Variants in C1orf21 observed in about 807,000 individuals in gnomAD.
The protein encoded by C1orf21 is uncharacterized protein C1orf21.
In C1orf21, 3 loss-of-function variants were observed where a neutral mutation model predicts 18.7. That is an observed-to-expected ratio of 0.16 (90% CI 0.07 to 0.42). The LOEUF (loss-of-function observed/expected upper bound fraction) is 0.42. Ranked by LOEUF, C1orf21 falls within the 10% of genes least tolerant of loss-of-function variation. C1orf21 has a pLI of 0.99. For missense variants in C1orf21, 104 were observed against 143.6 expected (o/e 0.72, Z 1.41); for synonymous variants, 41 against 46.4 (o/e 0.88, Z 0.47).
At chr1:184,389,425 A>C (rs1394750556) in intron 1 of C1orf21, among the ~76,000 whole-genome samples, 1 of 152,178 alleles carries the variant, frequency 6.6e-6, no homozygotes, top group African/African-American at 2.4e-5. Context: ...CCGAGTTTAG[A>C]AAACTGATAA....
intron 3 of C1orf21, among the ~76,000 whole-genome samples, chr1:184,507,995 G>GT (rs1002068518): frequency 6.6e-6 from 1 of 152,012 alleles, no homozygotes; most frequent in Admixed American, 6.6e-5. Flanking sequence ...TTTTAGTTTT[G>GT]TTTTTTTCTA....
intron 3 of C1orf21, among the ~76,000 whole-genome samples, chr1:184,559,895 G>A (rs10911609): frequency 0.17 from 26,015 of 151,954 alleles, 2,496 homozygotes; most frequent in East Asian, 0.31. Flanking sequence ...AGGATTACAG[G>A]CGTGAGCCAC....
intron 3 of C1orf21, among the ~76,000 whole-genome samples, chr1:184,525,432 GTTTGTT>G (rs1335630267): frequency 6.6e-6 from 1 of 151,774 alleles, no homozygotes; most frequent in African/African-American, 2.4e-5. Flanking sequence ...TTTTCTATTT[GTTTGTT>G]TTTAAGCCAA....
At chr1:184,440,552 T>C (rs201212745) in intron 1 of C1orf21, among the ~76,000 whole-genome samples, 1 of 121,048 alleles carries the variant, frequency 8.3e-6, no homozygotes, top group Non-Finnish European at 1.7e-5. Context: ...GCACCTGGCC[T>C]TTTTTTTTTT....
At chr1:184,435,305 A>G (rs1656840291) in intron 1 of C1orf21, among the ~76,000 whole-genome samples, 1 of 152,192 alleles carries the variant, frequency 6.6e-6, no homozygotes, top group Admixed American at 6.5e-5. Context: ...GAAAGGATAC[A>G]TTTGAGAATC....
At chr1:184,420,176 A>G (rs1382334776) in intron 1 of C1orf21, among the ~76,000 whole-genome samples, 3 of 152,048 alleles carry the variant, frequency 2.0e-5, no homozygotes, top group African/African-American at 7.2e-5. Flanking sequence ...TTACTCTCTA[A>G]GAGCCAGGAT....
chr1:184,410,977 C>A (rs922079308), intron 1 of C1orf21, among the ~76,000 whole-genome samples: 3 of 151,752 alleles, frequency 2.0e-5, no homozygotes, highest in Non-Finnish European at 4.4e-5. Flanking sequence ...CCCCCTAAAT[C>A]TCTGCATCAA....
At chr1:184,550,530 GT>G (rs1314970720) in intron 3 of C1orf21, among the ~76,000 whole-genome samples, 2 of 151,858 alleles carry the variant, frequency 1.3e-5, no homozygotes, top group Non-Finnish European at 2.9e-5. Context: ...TTGTTTCTTT[GT>G]TTGTTTGTTT....
intron 1 of C1orf21, among the ~76,000 whole-genome samples, chr1:184,463,715 T>A (rs1348263089): frequency 3.9e-5 from 6 of 152,244 alleles, no homozygotes; most frequent in Non-Finnish European, 2.9e-5. Flanking sequence ...TATAGAATTA[T>A]TTCCTAAAAT....
chr1:184,518,447 G>A (rs6700026), intron 3 of C1orf21, among the ~76,000 whole-genome samples: 2 of 152,036 alleles, frequency 1.3e-5, no homozygotes, highest in Non-Finnish European at 2.9e-5. Flanking sequence ...TGTGGGTGTA[G>A]GTAAGAGTTA....
chr1:184,388,724 A>G (rs1655925549), intron 1 of C1orf21, among the ~76,000 whole-genome samples: 1 of 151,346 alleles, frequency 6.6e-6, no homozygotes, highest in South Asian at 2.1e-4. Flanking sequence ...ATTCAAGGGG[A>G]TGGGTTCAGC....
intron 1 of C1orf21, among the ~76,000 whole-genome samples, chr1:184,428,814 G>A (rs1456327065): frequency 1.3e-5 from 2 of 152,172 alleles, no homozygotes; most frequent in African/African-American, 2.4e-5. Flanking sequence ...CTGGGTCTGA[G>A]CTGAACCTGG....
chr1:184,461,323 C>T (rs1009792558), intron 1 of C1orf21, among the ~76,000 whole-genome samples: 1 of 152,146 alleles, frequency 6.6e-6, no homozygotes, highest in East Asian at 1.9e-4. Flanking sequence ...TTCAGTAAGT[C>T]CAAGATTTTT....
In C1orf21 at chr1:184,628,711, T is replaced by C. The variant is rs1011652847; in HGVS notation, c.*9155T>C. 1 of 152,628 alleles carries C rather than the reference T, an allele frequency of 6.6e-6. No homozygotes were observed. Among genetic ancestry groups the C allele is most frequent in the Non-Finnish European group, 1.5e-5 (1 of 68,056 alleles). The allele number at this position is 152,628 out of a possible 1,614,324, so 9.5% of individuals were successfully genotyped here. On this transcript the variant is annotated 3_prime_UTR_variant, in exon 6 of 6. Transcript: ENST00000235307. The stretch of plus-strand genomic sequence containing the variant: ...GGTACACTGGACAGAGCCATGCGAT[T>C]GATTGTTCATCTTCCCTCTCTGGGT...
At chr1:184,548,214 A>AACACACACACACACACACACACAC (rs58174774) in intron 3 of C1orf21, among the ~76,000 whole-genome samples, 1 of 139,984 alleles carries the variant, frequency 7.1e-6, no homozygotes, top group Non-Finnish European at 1.5e-5. Context: ...TCAAATCCCC[A>AACACACACACACACACACACACAC]ACACACACAC....
intron 4 of C1orf21, among the ~76,000 whole-genome samples, chr1:184,591,760 G>C (rs890777770): frequency 1.3e-5 from 2 of 151,650 alleles, no homozygotes; most frequent in Non-Finnish European, 1.5e-5. Context: ...GAGCAGAGAT[G>C]GCGCCACTGC....
intron 3 of C1orf21, chr1:184,568,357 A>G: frequency 2.2e-6 from 1 of 455,712 alleles, no homozygotes; most frequent in Middle Eastern, 5.6e-4. Context: ...TAAACTTTGT[A>G]CCCATTAAAC....
At chr1:184,521,435 T>G (rs1033288742) in intron 3 of C1orf21, among the ~76,000 whole-genome samples, 1 of 152,108 alleles carries the variant, frequency 6.6e-6, no homozygotes, top group Non-Finnish European at 1.5e-5. Flanking sequence ...CAATGGAATA[T>G]TACTTAGTAA....
At chr1:184,411,566 C>G (rs1191206644) in intron 1 of C1orf21, among the ~76,000 whole-genome samples, 2 of 151,898 alleles carry the variant, frequency 1.3e-5, no homozygotes, top group East Asian at 3.9e-4. Context: ...GGACTACAGG[C>G]GCCCGCCATC....
Sources: allele counts gnomAD v4.1 joint callset (sites outside exome capture counted in the v4.1 genomes callset), GRCh38; gene constraint gnomAD v4.1.1; transcripts MANE v1.5; gene names NCBI Gene and HGNC (gene_info 2026-07-23, HGNC 2026-07-21).